Variants in NEK5 observed in about 807,000 individuals in gnomAD.
NEK5 encodes serine/threonine-protein kinase Nek5.
Under a neutral mutation model 109.2 loss-of-function variants are expected in NEK5, and 88 were observed. That is an observed-to-expected ratio of 0.81 (90% CI 0.68 to 0.96). The LOEUF is 0.96. Ranked by LOEUF, NEK5 falls within the 40% of genes least tolerant of loss-of-function variation. The probability of loss-of-function intolerance (pLI) is 0.00; values close to 1 mark genes in which losing one functional copy is unlikely to be tolerated. For missense variants in NEK5, 834 were observed against 920.7 expected (o/e 0.91, Z 1.22); for synonymous variants, 283 against 299.9 (o/e 0.94, Z 0.58).
At chr13:52,084,716 AGAGAGAGAGAGAGAGAGT>A (rs1355388590) in intron 16 of NEK5, among the ~76,000 whole-genome samples, 10 of 132,034 alleles carry the variant, frequency 7.6e-5, no homozygotes, top group African/African-American at 2.2e-4. Context: ...TTAAAGAGAG[AGAGAGAGAGAGAGAGAGT>A]GAGAGAGAGA....
At chr13:52,092,481 T>G (rs962711055) in intron 13 of NEK5, among the ~76,000 whole-genome samples, 2 of 151,722 alleles carry the variant, frequency 1.3e-5, no homozygotes, top group African/African-American at 4.8e-5. Flanking sequence ...TCCCAGCACT[T>G]TAGGAGGCCA....
intron 4 of NEK5, among the ~76,000 whole-genome samples, chr13:52,113,638 T>C (rs1189962620): frequency 1.3e-5 from 2 of 152,186 alleles, no homozygotes; most frequent in Non-Finnish European, 2.9e-5. Context: ...TTTTTCTTTT[T>C]TTTTTTCCTG....
intron 23 of NEK5, among the ~76,000 whole-genome samples, chr13:52,040,328 G>A (rs1225767333): frequency 4.0e-5 from 6 of 151,764 alleles, no homozygotes; most frequent in Middle Eastern, 3.2e-3. Flanking sequence ...CAGATGATCC[G>A]CCCACCTCAG....
chr13:52,082,346 G>T, intron 17 of NEK5: 1 of 1,185,144 alleles, frequency 8.4e-7, no homozygotes, highest in Non-Finnish European at 1.1e-6. Context: ...TTCTTAGTAT[G>T]GGCCAAATCA....
chr13:52,065,635 A>G (rs1954677591), intron 20 of NEK5, 26 bp from the exon 21 acceptor site: 8 of 1,545,460 alleles, frequency 5.2e-6, no homozygotes, highest in Non-Finnish European at 7.1e-6. Context: ...CAACTCATTA[A>G]TTCGAAAGCA....
chr13:52,049,518 C>A (rs1308005539), intron 23 of NEK5, among the ~76,000 whole-genome samples: 1 of 152,064 alleles, frequency 6.6e-6, no homozygotes, highest in African/African-American at 2.4e-5. Flanking sequence ...GTCATTCCCA[C>A]CAAAATCCCA....
At chr13:52,067,525 C>A (rs1387112424) in intron 20 of NEK5, among the ~76,000 whole-genome samples, 2 of 152,072 alleles carry the variant, frequency 1.3e-5, no homozygotes, top group Non-Finnish European at 2.9e-5. Flanking sequence ...GTTCCTTCTC[C>A]TTTTGTGGGC....
At chr13:52,054,617 G>A (rs1419733138) in intron 22 of NEK5, among the ~76,000 whole-genome samples, 2 of 152,262 alleles carry the variant, frequency 1.3e-5, no homozygotes. Flanking sequence ...CAGGCAGACT[G>A]CCTCCTCAAG....
At chr13:52,074,488 G>A (rs1170989166) in intron 19 of NEK5, among the ~76,000 whole-genome samples, 1 of 152,078 alleles carries the variant, frequency 6.6e-6, no homozygotes, top group Non-Finnish European at 1.5e-5. Context: ...AGCTAAAGAT[G>A]ACTTAACAAT....
Position 52,102,290 on chromosome 13 carries a change from AAACT to A in NEK5, c.610-2_611del. 6.2e-7 allele frequency: 1 copy of A among 1,612,632 alleles called. No individual in the cohort carries two copies. Among genetic ancestry groups the A allele is most frequent in the East Asian group, 2.2e-5 (1 of 44,880 alleles). On this transcript the variant is annotated splice_acceptor_variant and coding_sequence_variant, in exon 10 of 24. Coordinates refer to ENST00000684899, the MANE Select transcript of NEK5 (RefSeq NM_001365552.1). LOFTEE classifies it high-confidence loss of function. ...CCAGCTGCTGTAAGTTGTTACCCTCAAACTGAAAGGACAAGGAGAAATGACACTA... is the reference window on the plus strand; with the variant it reads ...CCAGCTGCTGTAAGTTGTTACCCTCAGAAAGGACAAGGAGAAATGACACTA...
In NEK5 at chr13:52,036,117, T is replaced by C. The variant is rs186211837; in HGVS notation, c.*831A>G. The C allele has an allele frequency of 6.6e-6, 1 of 152,330 alleles. No individual in the cohort carries two copies. The highest frequency in any genetic ancestry group is 2.4e-5 in the African/African-American group (1 of 41,568). The allele number at this position is 152,330 out of a possible 1,614,324, so 9.4% of individuals were successfully genotyped here. ...AGGCTCTAGGGAAGAATCCATTTCT[T>C]TGCCTTTTCCAGATTCCAGAGGCTG... On this transcript the variant is annotated 3_prime_UTR_variant, in exon 24 of 24. Coordinates refer to ENST00000684899, the MANE Select transcript of NEK5 (RefSeq NM_001365552.1).
At chr13:52,069,833 A>G (rs1235453258) in intron 20 of NEK5, among the ~76,000 whole-genome samples, 3 of 152,184 alleles carry the variant, frequency 2.0e-5, no homozygotes, top group African/African-American at 7.2e-5. Context: ...CTCAATCACA[A>G]AAATGATGGC....
Position 52,037,195 on chromosome 13 carries a change from T to C in NEK5, c.2252A>G (p.Glu751Gly), listed in dbSNP as rs1463206079. ...DDTNFEESED[E>G]LRDEVVEYLE... ...GTATTCTACTACTTCATCTCTCAAC[T>C]CATCTTCAGATTCTTCAAAATTTCT... The change falls in exon 24 of 24, where the codon GAG (glutamate) becomes GGG (glycine). Residue 751 changes from glutamate (E) to glycine (G), a missense_variant. By Grantham distance (98) the Glu-to-Gly change is moderately conservative. Transcript: ENST00000684899. 7 of 984,414 alleles carry C rather than the reference T, an allele frequency of 7.1e-6. No individual in the cohort carries two copies. The highest frequency in any genetic ancestry group is 8.4e-6 in the Non-Finnish European group (7 of 829,142). 61.0% of individuals were successfully genotyped at this position (984,414 alleles called of 1,614,324 possible). A position where few individuals can be genotyped will look rare whatever the true frequency, so the allele number is the denominator to read the frequency against.
At chr13:52,106,549 T>A (rs544538519) in intron 8 of NEK5, among the ~76,000 whole-genome samples, 1 of 152,208 alleles carries the variant, frequency 6.6e-6, no homozygotes, top group South Asian at 2.1e-4. Flanking sequence ...GCAGATCACC[T>A]GAGGTCAAGA....
chr13:52,071,921 T>C, intron 20 of NEK5, 23 bp downstream of exon 20: 1 of 1,610,264 alleles, frequency 6.2e-7, no homozygotes, highest in Non-Finnish European at 8.5e-7. Context: ...CCTTCTCATT[T>C]ACAACTTTCA....
intron 5 of NEK5, among the ~76,000 whole-genome samples, chr13:52,110,932 A>T (rs550214099): frequency 6.6e-6 from 1 of 152,112 alleles, no homozygotes; most frequent in African/African-American, 2.4e-5. Flanking sequence ...TGAATAGTAC[A>T]CAAGCAGCCC....
At chr13:52,090,436 A>G (rs1364804138) in intron 13 of NEK5, among the ~76,000 whole-genome samples, 1 of 152,232 alleles carries the variant, frequency 6.6e-6, no homozygotes, top group African/African-American at 2.4e-5. Context: ...ATAGGATGAA[A>G]TGACAAGCTA....
chr13:52,069,781 G>C (rs900343294), intron 20 of NEK5, among the ~76,000 whole-genome samples: 6 of 152,008 alleles, frequency 3.9e-5, no homozygotes, highest in African/African-American at 1.5e-4. Context: ...CTTCAGTCTT[G>C]CCCTCCATGC....
chr13:52,055,924 C>A (rs998424705), intron 22 of NEK5, among the ~76,000 whole-genome samples: 2 of 151,790 alleles, frequency 1.3e-5, no homozygotes, highest in East Asian at 3.9e-4. Context: ...ATCATAATGA[C>A]AGGATCAAAT....
Sources: allele counts gnomAD v4.1 joint callset (sites outside exome capture counted in the v4.1 genomes callset), GRCh38; gene constraint gnomAD v4.1.1; transcripts MANE v1.5; gene names NCBI Gene and HGNC (gene_info 2026-07-23, HGNC 2026-07-21).